The following NAALADL2 variants were observed in gnomAD, a reference collection of about 807,000 sequenced individuals.
NAALADL2 encodes the protein inactive N-acetylated-alpha-linked acidic dipeptidase-like protein 2.
A neutral mutation model predicts 87.2 loss-of-function variants in NAALADL2; 76 were observed. That is an observed-to-expected ratio of 0.87 (90% CI 0.72 to 1.05). The LOEUF is 1.05. Among genes scored for constraint, NAALADL2 ranks in the 50% least tolerant of loss-of-function variants. The pLI is 0.00. For missense variants in NAALADL2, 1,089 were observed against 945.8 expected, an observed-to-expected ratio of 1.15 and a Z score of -1.99; for synonymous variants, 354 against 331.0, an observed-to-expected ratio of 1.07 and a Z score of -0.75.
At chr3:175,566,876 A>G (rs1717228762) in intron 9 of NAALADL2, among the ~76,000 whole-genome samples, 1 of 152,062 alleles carries the variant, frequency 6.6e-6, no homozygotes, top group Non-Finnish European at 1.5e-5. Context: ...AATTTTTGTC[A>G]TACAGAAAAG....
intron 2 of NAALADL2, among the ~76,000 whole-genome samples, chr3:175,161,936 T>C (rs1247201353): frequency 6.6e-6 from 1 of 152,158 alleles, no homozygotes; most frequent in Admixed American, 6.6e-5. Flanking sequence ...TCTAATAACA[T>C]TTTAACAATT....
At chr3:174,757,488 A>G (rs1392817572) in intron 3 of NAALADL2, among the ~76,000 whole-genome samples, 2 of 151,688 alleles carry the variant, frequency 1.3e-5, no homozygotes, top group Admixed American at 6.6e-5. Context: ...GAAAATAGAG[A>G]TAACTTTTCT....
At chr3:175,189,233 A>C (rs113675401) in intron 2 of NAALADL2, among the ~76,000 whole-genome samples, 181 of 152,338 alleles carry the variant, frequency 1.2e-3, no homozygotes, top group African/African-American at 4.0e-3. Context: ...AAGTACTAGC[A>C]AGAGCAATCA....
intron 2 of NAALADL2, among the ~76,000 whole-genome samples, chr3:174,714,721 T>C (rs558216388): frequency 5.9e-5 from 9 of 152,322 alleles, no homozygotes; most frequent in African/African-American, 1.9e-4. Flanking sequence ...GTTTTCTAGA[T>C]ATACAATCAT....
chr3:175,669,941 T>A (rs1339066795), intron 11 of NAALADL2, among the ~76,000 whole-genome samples: 3 of 152,016 alleles, frequency 2.0e-5, no homozygotes, highest in Non-Finnish European at 4.4e-5. Flanking sequence ...GTCTGTTATT[T>A]AAAACACCCC....
rs1721323837 is a variant in NAALADL2 at position 174,820,730 on chromosome 3, G to A, written c.-9+82984G>A. Among the ~76,000 whole-genome samples the A allele has an allele frequency of 2.0e-5, 3 of 152,166 alleles. No homozygotes were observed. In the South Asian group the frequency reaches 6.2e-4, roughly 32 times the overall value. ...TAAAGAAGAAATCTAAGAATATGCA[G>A]CCAAGATGTAGGGAAAAGAGTGCTA... On this transcript the variant is annotated intron_variant, in intron 3 of 3. Coordinates refer to the NAALADL2 transcript ENST00000434257.
intron 1 of NAALADL2, among the ~76,000 whole-genome samples, chr3:174,916,922 T>G (rs1734496208): frequency 6.6e-6 from 1 of 152,160 alleles, no homozygotes; most frequent in Admixed American, 6.5e-5. Flanking sequence ...TCAGAGTGAT[T>G]AATATATAGC....
intron 2 of NAALADL2, among the ~76,000 whole-genome samples, chr3:174,724,382 T>C (rs897856806): frequency 1.3e-5 from 2 of 152,208 alleles, no homozygotes; most frequent in African/African-American, 4.8e-5. Context: ...TGGGTAATTT[T>C]GAGATAATCT....
intron 7 of NAALADL2, 112 bp from the exon 8 acceptor site, chr3:175,466,867 G>A: frequency 1.2e-6 from 1 of 849,730 alleles, no homozygotes. Flanking sequence ...AATTATTAGA[G>A]CAATTTTGCT....
intron 5 of NAALADL2, among the ~76,000 whole-genome samples, chr3:175,438,479 A>C (rs1666345850): frequency 6.6e-6 from 1 of 152,154 alleles, no homozygotes; most frequent in Non-Finnish European, 1.5e-5. Context: ...CAAATAAAAT[A>C]TTCCAGGATA....
intron 1 of NAALADL2, among the ~76,000 whole-genome samples, chr3:175,034,488 G>A (rs1464795544): frequency 6.6e-6 from 1 of 152,040 alleles, no homozygotes; most frequent in Non-Finnish European, 1.5e-5. Flanking sequence ...TAGCCACATG[G>A]CCAGGTCCCT....
intron 2 of NAALADL2, among the ~76,000 whole-genome samples, chr3:175,156,302 TCTCAGACAAATCTTTAGATAAATAG>T (rs139164309): frequency 2.3e-5 from 2 of 88,352 alleles, no homozygotes; most frequent in Non-Finnish European, 6.0e-5. Flanking sequence ...TGTTCTTTAT[TCTCAGACAAATCTTTAGATAAATAG>T]CTCTACTACC....
chr3:175,200,579 A>G (rs1205047839), intron 2 of NAALADL2, among the ~76,000 whole-genome samples: 1 of 152,190 alleles, frequency 6.6e-6, no homozygotes, highest in Non-Finnish European at 1.5e-5. Context: ...TACTAGAACA[A>G]CCATCCTCCC....
At chr3:174,721,639 A>T (rs1179299506) in intron 2 of NAALADL2, among the ~76,000 whole-genome samples, 1 of 152,204 alleles carries the variant, frequency 6.6e-6, no homozygotes, top group Non-Finnish European at 1.5e-5. Context: ...CACTGAAACA[A>T]CTATGTAAGC....
At chr3:174,785,374 C>A (rs561953706) in intron 3 of NAALADL2, among the ~76,000 whole-genome samples, 2 of 152,130 alleles carry the variant, frequency 1.3e-5, no homozygotes, top group Non-Finnish European at 2.9e-5. Flanking sequence ...AGTCAGTTAT[C>A]CCAGCACCAT....
chr3:175,529,981 G>C (rs1733886208), intron 9 of NAALADL2, among the ~76,000 whole-genome samples: 1 of 152,172 alleles, frequency 6.6e-6, no homozygotes, highest in Admixed American at 6.5e-5. Context: ...GCCATATCGA[G>C]GGCTCAGTGT....
chr3:175,248,852 C>G (rs1012379988), intron 3 of NAALADL2, among the ~76,000 whole-genome samples: 2 of 151,998 alleles, frequency 1.3e-5, no homozygotes, highest in Non-Finnish European at 2.9e-5. Context: ...AACTAGGAAG[C>G]CTAGTTGTTT....
chr3:174,839,474 A>G (rs1325853140), intron 3 of NAALADL2, among the ~76,000 whole-genome samples: 2 of 152,194 alleles, frequency 1.3e-5, no homozygotes, highest in African/African-American at 4.8e-5. Context: ...CAAATGCAAT[A>G]AAAACAAAGA....
intron 3 of NAALADL2, among the ~76,000 whole-genome samples, chr3:174,834,511 T>A (rs772457556): frequency 1.3e-5 from 2 of 151,986 alleles, no homozygotes; most frequent in Non-Finnish European, 2.9e-5. Flanking sequence ...GCATGTAAAC[T>A]TGTAATTTTC....
Sources: gnomAD v4.1 joint callset for allele counts (sites outside exome capture counted in the v4.1 genomes callset) on GRCh38, gnomAD v4.1.1 for gene constraint, MANE v1.5 for transcripts, NCBI Gene and HGNC (gene_info 2026-07-23, HGNC 2026-07-21) for gene names.